Variants in KTN1 observed in about 807,000 individuals in gnomAD.
The protein encoded by KTN1 is kinectin 1, also known as kinectin.
A neutral mutation model predicts 222.5 loss-of-function variants in KTN1; 130 were observed. That is an observed-to-expected ratio of 0.58 (90% CI 0.51 to 0.68). The LOEUF (loss-of-function observed/expected upper bound fraction) is 0.68, where lower values mean the gene tolerates loss of function less well. KTN1 is among the 30% of genes least tolerant of loss of function. The pLI, the probability that KTN1 is intolerant of heterozygous loss-of-function variation, is 0.00. For missense variants in KTN1, 1,508 were observed against 1,500.4 expected (o/e 1.01, Z -0.08); for synonymous variants, 512 against 496.3 (o/e 1.03, Z -0.42).
At chr14:55,585,100 C>T (rs1387695280) in intron 1 of KTN1, among the ~76,000 whole-genome samples, 1 of 146,546 alleles carries the variant, frequency 6.8e-6, no homozygotes, top group African/African-American at 2.6e-5. Context: ...CGACTGCACT[C>T]CAGCCTGGGT....
At chr14:55,631,341 GATATATATATATATATAT>G (rs56190231) in intron 7 of KTN1, among the ~76,000 whole-genome samples, 2 of 114,718 alleles carry the variant, frequency 1.7e-5, no homozygotes, top group African/African-American at 7.3e-5. Context: ...TGATAAGGTT[GATATATATATATATATAT>G]ATATATATAT....
intron 1 of KTN1, among the ~76,000 whole-genome samples, chr14:55,583,791 A>C (rs2032295424): frequency 6.6e-6 from 1 of 152,226 alleles, no homozygotes; most frequent in African/African-American, 2.4e-5. Flanking sequence ...GATGTGCAGT[A>C]GTCAACTCCA....
chr14:55,615,233 G>A (rs778953289), intron 2 of KTN1, among the ~76,000 whole-genome samples: 15 of 152,292 alleles, frequency 9.8e-5, no homozygotes, highest in Non-Finnish European at 1.9e-4. Context: ...TTTTAAGTGT[G>A]TAGTTTTGTG....
chr14:55,667,700 T>C (rs947969453), intron 34 of KTN1: 1 of 156,062 alleles, frequency 6.4e-6, no homozygotes, highest in Admixed American at 6.5e-5. Context: ...TACTTGATAC[T>C]ATGAACTAGG....
At chr14:55,661,684 T>C in intron 32 of KTN1, 72 bp downstream of exon 32, 1 of 748,650 alleles carries the variant, frequency 1.3e-6, no homozygotes, top group African/African-American at 1.8e-5. Flanking sequence ...TCAGGAATTT[T>C]TTTTAAATCT....
At chr14:55,629,191 T>C (rs998458880) in intron 6 of KTN1, among the ~76,000 whole-genome samples, 1 of 151,012 alleles carries the variant, frequency 6.6e-6, no homozygotes. Context: ...CTGAGGCGGG[T>C]GAATCATGAG....
intron 2 of KTN1, among the ~76,000 whole-genome samples, chr14:55,616,199 C>T (rs1212874884): frequency 6.6e-6 from 1 of 152,126 alleles, no homozygotes; most frequent in African/African-American, 2.4e-5. Context: ...ATCCACCTGC[C>T]TCAGCCTCCC....
At chr14:55,649,271 C>T (rs905204086) in intron 21 of KTN1, among the ~76,000 whole-genome samples, 2 of 152,132 alleles carry the variant, frequency 1.3e-5, no homozygotes, top group Non-Finnish European at 2.9e-5. Flanking sequence ...AAAAACAAGT[C>T]TGTTGTTTCT....
intron 18 of KTN1, chr14:55,644,266 C>T: frequency 1.8e-6 from 1 of 550,498 alleles, no homozygotes; most frequent in Admixed American, 2.5e-5. Flanking sequence ...ATCCCACAGT[C>T]AGAATTCCAA....
intron 17 of KTN1, 151 bp downstream of exon 17, chr14:55,641,359 TATC>T: frequency 1.7e-6 from 1 of 596,366 alleles, no homozygotes; most frequent in East Asian, 2.9e-5. Context: ...CCATGAATTT[TATC>T]ATAGACTTTC....
chr14:55,616,454 T>A (rs992662674), intron 2 of KTN1, 63 bp from the exon 3 acceptor site: 1 of 1,403,374 alleles, frequency 7.1e-7, no homozygotes, highest in Non-Finnish European at 9.7e-7. Context: ...ACTCAGTGAT[T>A]GCATCTTTTC....
At chr14:55,650,302 A>G (rs2042809489) in intron 22 of KTN1, 26 bp from the exon 23 acceptor site, 3 of 1,493,436 alleles carry the variant, frequency 2.0e-6, no homozygotes, top group East Asian at 2.3e-5. Context: ...TTTCTAATCA[A>G]ATTATACTGC....
chr14:55,613,582 T>C (rs764555597), intron 2 of KTN1, among the ~76,000 whole-genome samples: 20 of 151,018 alleles, frequency 1.3e-4, no homozygotes, highest in Non-Finnish European at 2.4e-4. Context: ...TGTCCTCTGC[T>C]GCCCAAGTTC....
intron 5 of KTN1, 64 bp downstream of exon 5, chr14:55,619,376 CT>C: frequency 6.6e-7 from 1 of 1,509,796 alleles, no homozygotes; most frequent in African/African-American, 1.4e-5. Context: ...CCAAACAAGA[CT>C]TTAGCCAGAG....
chr14:55,679,008 C>T (rs910529922), intron 42 of KTN1: 2 of 155,030 alleles, frequency 1.3e-5, no homozygotes, highest in Admixed American at 6.4e-5. Flanking sequence ...ATGTTTGAAT[C>T]CTGGCTCTGC....
intron 18 of KTN1, among the ~76,000 whole-genome samples, chr14:55,645,627 A>C (rs143422151): frequency 6.4e-4 from 97 of 152,336 alleles, no homozygotes; most frequent in African/African-American, 2.2e-3. Context: ...TTTGTTTTTC[A>C]TAGTATAAAC....
Position 55,633,319 on chromosome 14 carries a change from A to T in KTN1, c.1306A>T (p.Thr436Ser). The change falls in exon 8 of 44, where the codon ACT becomes TCT. Residue 436 changes from threonine to serine, a missense_variant. Coordinates refer to ENST00000395314, the MANE Select transcript of KTN1 (RefSeq NM_001079521.2). ...NGILRDAVSNTTNQLESKQSA... is the reference protein window; with the variant it reads ...NGILRDAVSNSTNQLESKQSA... ...TATACTGAGAGATGCAGTCAGCAAC[A>T]CTACAAATCAACTGGAAAGCAAGTA... The T allele has an allele frequency of 6.4e-7, 1 of 1,573,036 alleles. No homozygotes were observed. The highest frequency in any genetic ancestry group is 8.6e-7 in the Non-Finnish European group (1 of 1,158,384).
At chr14:55,644,348 T>C (rs1254248212) in intron 18 of KTN1, 5 of 701,512 alleles carry the variant, frequency 7.1e-6, no homozygotes, top group Non-Finnish European at 1.3e-5. Context: ...ATTTTTATTC[T>C]GGAGGAAAAG....
chr14:55,612,150 T>C lies in KTN1; in HGVS notation c.102T>C (p.Tyr34=). ...GGCTTTTCATGAAAGAAACATTATA[T>C]GATGAAGTTCTTGCAAAACAGAAAA... is the stretch of plus-strand genomic sequence containing the variant. ...FFWLFMKETL[Y]DEVLAKQKRE... The change falls in exon 2 of 44, where the codon TAT becomes TAC. Residue 34 remains tyrosine (Y), a synonymous_variant. Transcript: ENST00000395314. The C allele has an allele frequency of 1.3e-6, 2 of 1,581,188 alleles. No individual in the cohort carries two copies. The highest frequency in any genetic ancestry group is 1.7e-6 in the Non-Finnish European group (2 of 1,170,468).
Sources: gnomAD v4.1 joint callset for allele counts (sites outside exome capture counted in the v4.1 genomes callset) on GRCh38, gnomAD v4.1.1 for gene constraint, MANE v1.5 for transcripts, NCBI Gene and HGNC (gene_info 2026-07-23, HGNC 2026-07-21) for gene names.